STX8: variants seen among roughly 807,000 people sequenced by gnomAD.
The protein encoded by STX8 is syntaxin 8.
A neutral mutation model predicts 37.5 loss-of-function variants in STX8; 23 were observed. The ratio of observed to expected loss-of-function variants is 0.61; its 90% CI spans 0.44 to 0.87. STX8 has a LOEUF of 0.87. STX8 is among the 40% of genes least tolerant of loss of function. The probability of loss-of-function intolerance (pLI) is 0.00; values close to 1 mark genes in which losing one functional copy is unlikely to be tolerated. For synonymous variants in STX8, 115 were observed against 99.1 expected, an observed-to-expected ratio of 1.16 and a Z score of -0.95; for missense variants, 313 against 284.7, an observed-to-expected ratio of 1.10 and a Z score of -0.71.
chr17:9,294,736 A>G (rs968319967), intron 7 of STX8, among the ~76,000 whole-genome samples: 1 of 152,222 alleles, frequency 6.6e-6, no homozygotes, highest in Non-Finnish European at 1.5e-5. Context: ...CATATGTTGA[A>G]GCCCAAATCC....
chr17:9,470,822 G>A (rs1905819022), intron 6 of STX8, among the ~76,000 whole-genome samples: 1 of 151,790 alleles, frequency 6.6e-6, no homozygotes, highest in African/African-American at 2.4e-5. Context: ...CGCCTCCCAG[G>A]TTCACACCAT....
intron 6 of STX8, among the ~76,000 whole-genome samples, chr17:9,479,341 C>G (rs1906221824): frequency 1.3e-5 from 2 of 152,078 alleles, no homozygotes; most frequent in South Asian, 4.2e-4. Flanking sequence ...TGAGATCAGC[C>G]TGGCCAACAT....
chr17:9,354,914 G>A (rs7216692), intron 7 of STX8, among the ~76,000 whole-genome samples: 6,190 of 152,104 alleles, frequency 0.041, 282 homozygotes, highest in African/African-American at 0.12. Flanking sequence ...TGTCCTCCCA[G>A]ATCTTCTTTC....
At chr17:9,571,717 C>A (rs1188722694) in intron 1 of STX8, among the ~76,000 whole-genome samples, 1 of 151,820 alleles carries the variant, frequency 6.6e-6, no homozygotes, top group Admixed American at 6.6e-5. Context: ...GAGTTCAAGA[C>A]CAGCCTGGCC....
At chr17:9,388,047 A>C (rs1168686483) in intron 6 of STX8, among the ~76,000 whole-genome samples, 6 of 148,744 alleles carry the variant, frequency 4.0e-5, no homozygotes, top group African/African-American at 1.5e-4. Context: ...CCTCTTTATT[A>C]GTTGTTGTTT....
chr17:9,307,996 C>T lies in STX8; in HGVS notation c.644-57351G>A, dbSNP rs549857130. ...AAGCTACACAGAGAGGCCAAGAAGACGGAGGTTAGCGATAGAAAAGCACAA... is the reference window on the plus strand; with the variant it reads ...AAGCTACACAGAGAGGCCAAGAAGATGGAGGTTAGCGATAGAAAAGCACAA... On this transcript the variant is annotated intron_variant, in intron 7 of 7. Coordinates refer to ENST00000306357, the MANE Select transcript of STX8 (RefSeq NM_004853.3). 5.3e-5 allele frequency among the ~76,000 whole-genome samples: 8 copies of T among 152,250 alleles called. No individual in the cohort carries two copies. The South Asian group carries it at 8.3e-4, about 16-fold the overall frequency.
intron 6 of STX8, among the ~76,000 whole-genome samples, chr17:9,474,139 G>A (rs1038108042): frequency 1.3e-5 from 2 of 152,138 alleles, no homozygotes; most frequent in African/African-American, 2.4e-5. Flanking sequence ...CAGGAGTTGG[G>A]GGACAAGGAG....
chr17:9,397,988 C>CA (rs558392635), intron 6 of STX8, among the ~76,000 whole-genome samples: 32,155 of 85,638 alleles, frequency 0.38, 5,044 homozygotes, highest in East Asian at 0.65. Context: ...ATTCTGTCTC[C>CA]AAAAAAAAAA....
At chr17:9,473,774 G>A (rs760024419) in intron 6 of STX8, among the ~76,000 whole-genome samples, 1 of 152,188 alleles carries the variant, frequency 6.6e-6, no homozygotes, top group Non-Finnish European at 1.5e-5. Flanking sequence ...CTGGCACAGA[G>A]CTTCAAAAAC....
intron 7 of STX8, among the ~76,000 whole-genome samples, chr17:9,372,202 A>C (rs2142274291): frequency 6.6e-6 from 1 of 152,238 alleles, no homozygotes; most frequent in East Asian, 1.9e-4. Flanking sequence ...ACAAGTTGTC[A>C]ATACTGTATT....
intron 3 of STX8, among the ~76,000 whole-genome samples, chr17:9,555,895 CA>C (rs1002394213): frequency 0.047 from 4,354 of 92,018 alleles, 183 homozygotes; most frequent in African/African-American, 0.14. Flanking sequence ...GACTCCGTCT[CA>C]AAAAAAAAAA....
At chr17:9,355,634 C>A (rs12945987) in intron 7 of STX8, among the ~76,000 whole-genome samples, 6 of 151,720 alleles carry the variant, frequency 4.0e-5, no homozygotes, top group Admixed American at 1.3e-4. Context: ...TCTCGCCTCC[C>A]GAGTAGCTGG....
chr17:9,425,943 A>C (rs947574892), intron 6 of STX8, among the ~76,000 whole-genome samples: 1 of 152,140 alleles, frequency 6.6e-6, no homozygotes, highest in Non-Finnish European at 1.5e-5. Context: ...GCGCACACAC[A>C]CACAGCTGAA....
intron 7 of STX8, among the ~76,000 whole-genome samples, chr17:9,268,517 G>A (rs923865525): frequency 6.6e-6 from 1 of 152,136 alleles, no homozygotes; most frequent in African/African-American, 2.4e-5. Context: ...GGATGAGGCC[G>A]CAGTGATGTC....
Position 9,382,357 on chromosome 17 carries a change from AC to A in STX8, c.542-3705del, listed in dbSNP as rs375480092. On this transcript the variant is annotated intron_variant, in intron 6 of 7. Coordinates refer to ENST00000306357, the MANE Select transcript of STX8 (RefSeq NM_004853.3). ...TATCTATCTGGCATGCTTAAATTCA[AC>A]TATATCAATAGTCACATTAATGTAA... Among the ~76,000 whole-genome samples the A allele has an allele frequency of 2.6e-3, 398 of 152,374 alleles. 3 individuals are homozygous for A. The highest frequency in any genetic ancestry group is 0.023 in the South Asian group (109 of 4,834).
intron 6 of STX8, among the ~76,000 whole-genome samples, chr17:9,399,213 A>C (rs182306735): frequency 6.6e-6 from 1 of 152,224 alleles, no homozygotes; most frequent in East Asian, 1.9e-4. Flanking sequence ...GTTCCAAAAA[A>C]TCTCAGCAGG....
chr17:9,380,739 G>A (rs888648920), intron 6 of STX8, among the ~76,000 whole-genome samples: 1 of 127,802 alleles, frequency 7.8e-6, no homozygotes, highest in African/African-American at 2.9e-5. Context: ...TTTAGAGGGA[G>A]TCTCACTCTT....
intron 7 of STX8, 133 bp from the exon 8 acceptor site, chr17:9,250,778 G>A (rs1482020673): frequency 1.1e-6 from 1 of 951,746 alleles, no homozygotes; most frequent in East Asian, 2.9e-5. Flanking sequence ...GTGGAGAGAG[G>A]TGGTCGGTGG....
intron 7 of STX8, among the ~76,000 whole-genome samples, chr17:9,302,864 G>T (rs1250834204): frequency 6.6e-6 from 1 of 152,048 alleles, no homozygotes; most frequent in Non-Finnish European, 1.5e-5. Flanking sequence ...CATATTCGGG[G>T]TGGTGGAAAG....
Sources: allele counts gnomAD v4.1 joint callset (sites outside exome capture counted in the v4.1 genomes callset), GRCh38; gene constraint gnomAD v4.1.1; transcripts MANE v1.5; gene names NCBI Gene and HGNC (gene_info 2026-07-23, HGNC 2026-07-21).